Variants in CACNA1A observed in about 807,000 individuals in gnomAD.
CACNA1A encodes calcium voltage-gated channel subunit alpha1 A.
A neutral mutation model predicts 262.4 loss-of-function variants in CACNA1A; 57 were observed. The ratio of observed to expected loss-of-function variants is 0.22; its 90% CI spans 0.18 to 0.27. The LOEUF (loss-of-function observed/expected upper bound fraction) is 0.27, where lower values mean the gene tolerates loss of function less well. Ranked by LOEUF, CACNA1A falls within the 10% of genes least tolerant of loss-of-function variation. CACNA1A has a pLI of 1.00. For synonymous variants in CACNA1A, 1,431 were observed against 1,419.3 expected, an observed-to-expected ratio of 1.01 and a Z score of -0.18; for missense variants, 2,526 against 3,562.8, an observed-to-expected ratio of 0.71 and a Z score of 7.41.
chr19:13,250,413 T>G (rs1293929658), intron 30 of CACNA1A, among the ~76,000 whole-genome samples: 2 of 151,226 alleles, frequency 1.3e-5, no homozygotes, highest in East Asian at 3.9e-4. Context: ...TATTTATTTA[T>G]TGAGATGGAG....
intron 6 of CACNA1A, among the ~76,000 whole-genome samples, chr19:13,336,594 G>GGAGAGGGAGAGA (rs1555768096): frequency 5.5e-4 from 36 of 65,504 alleles, no homozygotes; most frequent in African/African-American, 1.8e-3. Context: ...AGAGAGAGAG[G>GGAGAGGGAGAGA]GAGAGAGAGA....
intron 24 of CACNA1A, among the ~76,000 whole-genome samples, chr19:13,264,473 T>C (rs4926246): frequency 0.18 from 27,822 of 152,226 alleles, 2,688 homozygotes; most frequent in Middle Eastern, 0.28. Context: ...CTGGAGCACG[T>C]GAATTCTCAG....
intron 19 of CACNA1A, among the ~76,000 whole-genome samples, chr19:13,288,128 T>G (rs2057447236): frequency 6.6e-6 from 1 of 152,162 alleles, no homozygotes. Context: ...TATTCTTAGC[T>G]GAGTTTTCAC....
intron 3 of CACNA1A, among the ~76,000 whole-genome samples, chr19:13,439,657 C>T (rs181248195): frequency 1.6e-4 from 25 of 152,014 alleles, no homozygotes; most frequent in Admixed American, 3.9e-4. Flanking sequence ...ATGATCTGCC[C>T]GCCTCGGCCT....
Position 13,402,905 on chromosome 19 carries a change from T to C in CACNA1A, c.540-31126A>G, listed in dbSNP as rs1233131866. ...ATATATATATATATATATATATATA[T>C]ATATATATATACTTGCAAGTGAAAC... is the stretch of plus-strand genomic sequence containing the variant. On this transcript the variant is annotated intron_variant, in intron 3 of 46. Coordinates refer to ENST00000360228, the MANE Select transcript of CACNA1A (RefSeq NM_001127222.2). 7.3e-5 allele frequency among the ~76,000 whole-genome samples: 9 copies of C among 123,804 alleles called. 1 individual carries two copies. The highest frequency in any genetic ancestry group is 9.9e-5 in the Non-Finnish European group (6 of 60,540). The allele number at this position is 123,804 out of a possible 152,430, so 81.2% of individuals were successfully genotyped here.
chr19:13,297,764 G>C (rs952132872), intron 19 of CACNA1A, among the ~76,000 whole-genome samples: 2 of 152,106 alleles, frequency 1.3e-5, no homozygotes, highest in Admixed American at 6.5e-5. Flanking sequence ...ACTGAGCTAT[G>C]ACTGCCACTG....
rs941701904 is a variant in CACNA1A at position 13,439,662 on chromosome 19, C to T, written c.539+13214G>A. Among the ~76,000 whole-genome samples the T allele has an allele frequency of 6.6e-5, 10 of 151,962 alleles. No homozygotes were observed. The East Asian group carries it at 1.7e-3, about 26-fold the overall frequency. On this transcript the variant is annotated intron_variant, in intron 3 of 46. Transcript: ENST00000360228. ...TCCTGATCTCATGATCTGCCCGCCT[C>T]GGCCTCCCAAAGTGCTGGGATTACA...
chr19:13,482,029 T>G (rs1217589487), intron 1 of CACNA1A, among the ~76,000 whole-genome samples: 2 of 152,002 alleles, frequency 1.3e-5, no homozygotes, highest in Non-Finnish European at 2.9e-5. Context: ...GGCATAGAAT[T>G]TATCTCCCTT....
intron 36 of CACNA1A, chr19:13,229,105 A>G (rs556942835): frequency 7.4e-4 from 138 of 187,624 alleles, no homozygotes; most frequent in Non-Finnish European, 1.2e-3. Context: ...ACAGCATCCA[A>G]TTGCTGTGAC....
chr19:13,321,896 A>T (rs1023163630), intron 10 of CACNA1A, among the ~76,000 whole-genome samples: 4 of 152,098 alleles, frequency 2.6e-5, no homozygotes, highest in Non-Finnish European at 5.9e-5. Flanking sequence ...ACAAAAAAAA[A>T]TTTACAAAAA....
At chr19:13,373,184 G>T (rs1193360232) in intron 3 of CACNA1A, among the ~76,000 whole-genome samples, 1 of 152,202 alleles carries the variant, frequency 6.6e-6, no homozygotes, top group African/African-American at 2.4e-5. Flanking sequence ...TAGACATGGG[G>T]TCTTGCTCTG....
At chr19:13,257,763 G>A in intron 27 of CACNA1A, 1 of 401,274 alleles carries the variant, frequency 2.5e-6, no homozygotes. Flanking sequence ...TTGAGATGGA[G>A]TTTCGCTCTC....
chr19:13,269,144 G>C (rs2419240), intron 24 of CACNA1A, among the ~76,000 whole-genome samples: 2 of 42,390 alleles, frequency 4.7e-5, no homozygotes, highest in African/African-American at 1.7e-4. Context: ...CTACAGGTGA[G>C]AGACACCACA....
At chr19:13,287,929 G>T (rs2057443254) in intron 19 of CACNA1A, among the ~76,000 whole-genome samples, 1 of 151,534 alleles carries the variant, frequency 6.6e-6, no homozygotes, top group Non-Finnish European at 1.5e-5. Flanking sequence ...CAGCCTCCAG[G>T]TAGCTGAGGC....
chr19:13,369,565 T>G (rs2059281742), intron 4 of CACNA1A, among the ~76,000 whole-genome samples: 1 of 152,224 alleles, frequency 6.6e-6, no homozygotes, highest in Admixed American at 6.5e-5. Context: ...GGGACTGCAA[T>G]AGTACCTCCC....
chr19:13,415,595 C>CGG (rs2060205573), intron 3 of CACNA1A, among the ~76,000 whole-genome samples: 1 of 151,432 alleles, frequency 6.6e-6, no homozygotes, highest in Non-Finnish European at 1.5e-5. Flanking sequence ...ACAAAAATTA[C>CGG]CCAGGCATGG....
intron 1 of CACNA1A, among the ~76,000 whole-genome samples, chr19:13,498,082 C>T (rs1257379418): frequency 6.6e-6 from 1 of 152,034 alleles, no homozygotes; most frequent in Non-Finnish European, 1.5e-5. Context: ...CATTTCACTG[C>T]AGTGATGGTC....
At chr19:13,323,807 C>T (rs1413685359) in intron 10 of CACNA1A, among the ~76,000 whole-genome samples, 2 of 152,104 alleles carry the variant, frequency 1.3e-5, no homozygotes, top group Admixed American at 6.6e-5. Context: ...GCTTCTGTTG[C>T]CTGTGCTTTT....
intron 3 of CACNA1A, among the ~76,000 whole-genome samples, chr19:13,446,185 G>A (rs867602120): frequency 6.9e-6 from 1 of 144,208 alleles, no homozygotes; most frequent in Admixed American, 7.3e-5. Context: ...TGAGGCAGGA[G>A]AACTGCTGGA....
Sources: allele counts gnomAD v4.1 joint callset (sites outside exome capture counted in the v4.1 genomes callset), GRCh38; gene constraint gnomAD v4.1.1; transcripts MANE v1.5; gene names NCBI Gene and HGNC (gene_info 2026-07-23, HGNC 2026-07-21).